The following DCTN4 variants were observed in gnomAD, a reference collection of about 807,000 sequenced individuals.
The protein encoded by DCTN4 is dynactin 4 (p62).
In DCTN4, 23 loss-of-function variants were observed where a neutral mutation model predicts 62.7. The ratio of observed to expected loss-of-function variants is 0.37; its 90% CI spans 0.26 to 0.52. The LOEUF (loss-of-function observed/expected upper bound fraction) is 0.52, where lower values mean the gene tolerates loss of function less well. Ranked by LOEUF, DCTN4 falls within the 20% of genes least tolerant of loss-of-function variation. The probability of loss-of-function intolerance (pLI) is 0.92; values close to 1 mark genes in which losing one functional copy is unlikely to be tolerated. For missense variants in DCTN4, 514 were observed against 580.4 expected, an observed-to-expected ratio of 0.89 and a Z score of 1.18; for synonymous variants, 199 against 202.1, an observed-to-expected ratio of 0.98 and a Z score of 0.13.
intron 4 of DCTN4, among the ~76,000 whole-genome samples, chr5:150,739,019 C>G (rs1237682257): frequency 6.6e-6 from 1 of 152,040 alleles, no homozygotes; most frequent in Non-Finnish European, 1.5e-5. Context: ...CATGGTAAAA[C>G]CCCATCTGCA....
chr5:150,758,039 A>C (rs1752927244), intron 1 of DCTN4: 1 of 950,784 alleles, frequency 1.1e-6, no homozygotes, highest in Admixed American at 6.2e-5. Flanking sequence ...TCGAATAAGC[A>C]GCAACTATTA....
At position 150,750,045 on chromosome 5, in the gene DCTN4, A is replaced by G. The variant is rs148641529; in HGVS notation, c.385+3434T>C. Reference sequence around the variant, plus strand: ...AGGCAAAATTCTAGTGATAGAAAGCATATCAGTCTAGTCAGGGGCCGGGAG... The same window carrying G: ...AGGCAAAATTCTAGTGATAGAAAGCGTATCAGTCTAGTCAGGGGCCGGGAG... On this transcript the variant is annotated intron_variant, in intron 3 of 12. Transcript: ENST00000447998. Among the ~76,000 whole-genome samples, 11 of 152,178 alleles carry G rather than the reference A, an allele frequency of 7.2e-5. No individual in the cohort carries two copies. In the South Asian group the frequency reaches 8.3e-4, roughly 11 times the overall value.
intron 4 of DCTN4, among the ~76,000 whole-genome samples, chr5:150,735,191 C>T (rs573929507): frequency 1.3e-4 from 19 of 150,244 alleles, no homozygotes; most frequent in South Asian, 4.2e-4. Context: ...TTCTTGAAAG[C>T]GCCACCTCCT....
At chr5:150,724,849 G>C (rs964803995) in intron 8 of DCTN4, among the ~76,000 whole-genome samples, 3 of 151,906 alleles carry the variant, frequency 2.0e-5, no homozygotes, top group Admixed American at 2.0e-4. Flanking sequence ...CATGCACTTT[G>C]CTTTTTGCAT....
intron 3 of DCTN4, among the ~76,000 whole-genome samples, chr5:150,746,667 A>C (rs562513059): frequency 3.9e-5 from 6 of 152,354 alleles, no homozygotes; most frequent in African/African-American, 1.4e-4. Flanking sequence ...CCAGCATATA[A>C]ACAGAGCCAA....
chr5:150,752,382 A>G (rs1295615900), intron 3 of DCTN4, among the ~76,000 whole-genome samples: 1 of 152,220 alleles, frequency 6.6e-6, no homozygotes, highest in Non-Finnish European at 1.5e-5. Context: ...AAATCCAAAC[A>G]TACCAATTTT....
chr5:150,722,331 A>T (rs1410010119), intron 9 of DCTN4, among the ~76,000 whole-genome samples: 1 of 152,188 alleles, frequency 6.6e-6, no homozygotes, highest in African/African-American at 2.4e-5. Context: ...TGAGATATGA[A>T]AAGTTTACAT....
rs12656322 is a variant in DCTN4, at chr5:150,758,530, C to T, written c.135+329G>A. 1.5e-4 allele frequency: 155 copies of T among 1,022,230 alleles called. No homozygotes were observed. The East Asian group carries it at 0.012, about 82-fold the overall frequency. The allele number at this position is 1,022,230 out of a possible 1,614,324, so 63.3% of individuals were successfully genotyped here. ...ATCCTGGAAAGGCAGTTTTTCGCCC[C>T]TTAAGTGGCCTGAACTAAGCACCCC... On this transcript the variant is annotated intron_variant, in intron 1 of 12. Coordinates refer to ENST00000447998, the MANE Select transcript of DCTN4 (RefSeq NM_016221.4).
intron 9 of DCTN4, among the ~76,000 whole-genome samples, chr5:150,721,988 C>T (rs541432800): frequency 5.3e-5 from 8 of 152,142 alleles, no homozygotes; most frequent in African/African-American, 1.9e-4. Flanking sequence ...CTACACCTGG[C>T]TAATTTTAAA....
chr5:150,732,228 C>A (rs1374841074), intron 5 of DCTN4, among the ~76,000 whole-genome samples: 8 of 152,184 alleles, frequency 5.3e-5, no homozygotes, highest in Admixed American at 5.2e-4. Context: ...TGGCTCACTG[C>A]AACCTCCGCC....
chr5:150,731,458 C>A lies in DCTN4; in HGVS notation c.569G>T (p.Arg190Leu). ...ACTGATGGATGCACCAGCTCGTGGT[C>A]GCTGAAGCCTGGTTCCAAGACCATA... is the stretch of plus-strand genomic sequence containing the variant. Reference protein sequence around the residue: ...DKYGLGTRLQRPRAGASISTL... With the variant: ...DKYGLGTRLQLPRAGASISTL... Residue 190 changes from arginine (R) to leucine (L), a missense_variant, in exon 6 of 13, where the codon CGA becomes CTA. Transcript: ENST00000447998. 6.2e-7 allele frequency: 1 copy of A among 1,613,810 alleles called. No individual in the cohort carries two copies. Among genetic ancestry groups the A allele is most frequent in the South Asian group, 1.1e-5 (1 of 91,042 alleles).
At chr5:150,729,967 A>T (rs1240495981) in intron 8 of DCTN4, among the ~76,000 whole-genome samples, 4 of 152,138 alleles carry the variant, frequency 2.6e-5, no homozygotes, top group East Asian at 1.9e-4. Context: ...TAAACTTTTA[A>T]GTCTCTTCTA....
chr5:150,731,325 CT>C lies in DCTN4; in HGVS notation c.611+90del, dbSNP rs1211503363. The C allele has an allele frequency of 1.9e-5, 21 of 1,092,224 alleles. No homozygotes were observed. The Admixed American group carries it at 4.2e-4, about 22-fold the overall frequency. The allele number at this position is 1,092,224 out of a possible 1,614,324, so 67.7% of individuals were successfully genotyped here. A position where few individuals can be genotyped will look rare whatever the true frequency, so the allele number is the denominator to read the frequency against. On this transcript the variant is annotated intron_variant, in intron 6 of 12. Coordinates refer to ENST00000447998, the MANE Select transcript of DCTN4 (RefSeq NM_016221.4). ...TGAGAATCTTCTTTTCCATTGACAA[CT>C]GTGTGTGTGTGTGTGTTTTAATCTC...
rs796837474 is a variant in DCTN4, at chr5:150,730,606, T to G, written c.834+25A>C. ...TTTTGCTTTCCTCTTGTACAAATGGTCAGTCTACAGAATGGAATACTTACA... is the reference window on the plus strand; with the variant it reads ...TTTTGCTTTCCTCTTGTACAAATGGGCAGTCTACAGAATGGAATACTTACA... On this transcript the variant is annotated intron_variant, in intron 8 of 12. Transcript: ENST00000447998. The G allele has an allele frequency of 3.1e-6, 5 of 1,596,196 alleles. No individual in the cohort carries two copies. The African/African-American group carries it at 5.4e-5, about 17-fold the overall frequency.
chr5:150,748,943 G>GA (rs983426605), intron 3 of DCTN4, among the ~76,000 whole-genome samples: 30 of 146,960 alleles, frequency 2.0e-4, no homozygotes, highest in Non-Finnish European at 3.2e-4. Context: ...ATAATAATAA[G>GA]AAAAAAAAAG....
intron 9 of DCTN4, 144 bp downstream of exon 9, chr5:150,722,763 C>A: frequency 1.7e-6 from 1 of 597,128 alleles, no homozygotes; most frequent in Non-Finnish European, 2.9e-6. Flanking sequence ...AATTAAAAAC[C>A]TAAACAGGAA....
At chr5:150,756,002 T>C in intron 2 of DCTN4, among the ~76,000 whole-genome samples, 1 of 150,690 alleles carries the variant, frequency 6.6e-6, no homozygotes, top group South Asian at 2.1e-4. Context: ...TGCTTAAAAA[T>C]GAAAAAGAGC....
At chr5:150,719,908 T>C (rs945839729) in intron 9 of DCTN4, 138 bp from the exon 10 acceptor site, 2 of 597,430 alleles carry the variant, frequency 3.3e-6, no homozygotes, top group South Asian at 2.2e-5. Flanking sequence ...TAATGAACCA[T>C]ATCATCACAG....
At chr5:150,755,716 A>G (rs1428806022) in intron 2 of DCTN4, 9 of 343,932 alleles carry the variant, frequency 2.6e-5, no homozygotes, top group African/African-American at 1.3e-4. Flanking sequence ...GTCTAGAGAC[A>G]TAACTATAAA....
Sources: gnomAD v4.1 joint callset for allele counts (sites outside exome capture counted in the v4.1 genomes callset) on GRCh38, gnomAD v4.1.1 for gene constraint, MANE v1.5 for transcripts, NCBI Gene and HGNC (gene_info 2026-07-23, HGNC 2026-07-21) for gene names.